MDGA2: variants seen among roughly 807,000 people sequenced by gnomAD.
MDGA2 encodes the protein MAM domain-containing glycosylphosphatidylinositol anchor protein 2.
Under a neutral mutation model 117.8 loss-of-function variants are expected in MDGA2, and 40 were observed. The ratio of observed to expected loss-of-function variants is 0.34; its 90% CI spans 0.26 to 0.44. MDGA2 has a LOEUF of 0.44. MDGA2 is among the 20% of genes least tolerant of loss of function. The pLI is 1.00. For missense variants in MDGA2, 1,123 were observed against 1,250.6 expected (o/e 0.90, Z 1.54); for synonymous variants, 452 against 439.0 (o/e 1.03, Z -0.37).
At chr14:46,933,949 A>G (rs563608254) in intron 9 of MDGA2, among the ~76,000 whole-genome samples, 8 of 150,720 alleles carry the variant, frequency 5.3e-5, no homozygotes, top group African/African-American at 1.7e-4. Context: ...TCCTGGATAC[A>G]CTTTGCAAAA....
At chr14:47,078,561 C>T (rs1367534273) in intron 6 of MDGA2, among the ~76,000 whole-genome samples, 6 of 152,096 alleles carry the variant, frequency 3.9e-5, no homozygotes, top group African/African-American at 1.4e-4. Context: ...CACAACTCAC[C>T]AACCTATGTA....
intron 5 of MDGA2, among the ~76,000 whole-genome samples, chr14:47,106,436 C>G (rs13379056): frequency 4.0e-5 from 6 of 151,444 alleles, no homozygotes; most frequent in African/African-American, 1.5e-4. Flanking sequence ...CCAGAACCTC[C>G]TCCCACAGGA....
intron 1 of MDGA2, among the ~76,000 whole-genome samples, chr14:47,624,558 A>C (rs1594949406): frequency 6.6e-6 from 1 of 152,224 alleles, no homozygotes; most frequent in East Asian, 1.9e-4. Flanking sequence ...TAAGGATATA[A>C]ATAGAGCCAA....
intron 1 of MDGA2, among the ~76,000 whole-genome samples, chr14:47,470,462 T>G (rs12433143): frequency 0.24 from 36,978 of 152,110 alleles, 5,153 homozygotes; most frequent in South Asian, 0.47. Context: ...TTTTTATGGC[T>G]GCATAGTATT....
chr14:46,983,903 A>C (rs1886773062), intron 8 of MDGA2, among the ~76,000 whole-genome samples: 1 of 151,980 alleles, frequency 6.6e-6, no homozygotes, highest in Non-Finnish European at 1.5e-5. Context: ...ATTTAAGTGC[A>C]TAGAATTAAT....
chr14:47,356,423 G>A (rs549141352), intron 1 of MDGA2, among the ~76,000 whole-genome samples: 7 of 152,202 alleles, frequency 4.6e-5, no homozygotes, highest in Admixed American at 4.6e-4. Context: ...AGTTCCCGTG[G>A]CCAGTGGTCT....
At chr14:47,313,388 T>C (rs1889704657) in intron 1 of MDGA2, among the ~76,000 whole-genome samples, 1 of 152,142 alleles carries the variant, frequency 6.6e-6, no homozygotes, top group East Asian at 1.9e-4. Context: ...TCCTCCCGCC[T>C]CAGCCTCCCA....
chr14:47,249,207 C>T (rs527459798), intron 2 of MDGA2, among the ~76,000 whole-genome samples: 9 of 151,434 alleles, frequency 5.9e-5, no homozygotes, highest in East Asian at 3.9e-4. Flanking sequence ...TTAGTAGAGA[C>T]GGGATTTCAC....
chr14:46,929,448 G>C (rs947997900), intron 9 of MDGA2, among the ~76,000 whole-genome samples: 1 of 150,496 alleles, frequency 6.6e-6, no homozygotes, highest in African/African-American at 2.4e-5. Context: ...TGGGTCTATG[G>C]AATTACTTGC....
chr14:47,528,993 CAAACTTT>C (rs143426880), intron 1 of MDGA2, among the ~76,000 whole-genome samples: 104,957 of 143,626 alleles, frequency 0.73, 38,245 homozygotes, highest in East Asian at 0.99. Flanking sequence ...GGAGATTTTA[CAAACTTT>C]AAACTTTTTT....
intron 3 of MDGA2, among the ~76,000 whole-genome samples, chr14:47,176,756 C>G (rs964503923): frequency 1.3e-5 from 2 of 152,168 alleles, no homozygotes; most frequent in Non-Finnish European, 2.9e-5. Flanking sequence ...GACTTCATGT[C>G]TAAAACACCA....
intron 3 of MDGA2, among the ~76,000 whole-genome samples, chr14:47,189,576 T>A (rs1885035945): frequency 6.6e-6 from 1 of 152,158 alleles, no homozygotes; most frequent in South Asian, 2.1e-4. Flanking sequence ...CTCCTCCCCA[T>A]CACCTTTTAA....
At chr14:47,003,090 AATCAGAC>A (rs1214603935) in intron 8 of MDGA2, among the ~76,000 whole-genome samples, 1 of 152,146 alleles carries the variant, frequency 6.6e-6, no homozygotes, top group East Asian at 1.9e-4. Flanking sequence ...ATGCAACTTG[AATCAGAC>A]CATATGTACT....
chr14:47,378,027 C>G (rs1380929411), intron 1 of MDGA2, among the ~76,000 whole-genome samples: 2 of 152,162 alleles, frequency 1.3e-5, no homozygotes, highest in South Asian at 4.1e-4. Context: ...GAGGAAGGAC[C>G]AGGCAGCAAC....
chr14:47,199,337 T>A (rs1261434688), intron 3 of MDGA2, among the ~76,000 whole-genome samples: 1 of 152,200 alleles, frequency 6.6e-6, no homozygotes, highest in African/African-American at 2.4e-5. Context: ...TTTGACTATT[T>A]ATCCTAGAAA....
At chr14:47,528,253 C>A (rs889922650) in intron 1 of MDGA2, among the ~76,000 whole-genome samples, 22 of 152,166 alleles carry the variant, frequency 1.4e-4, no homozygotes, top group Admixed American at 1.2e-3. Context: ...TCTGACCCAC[C>A]ATGCTCTCAT....
chr14:47,595,599 CTAT>C (rs1896528375), intron 1 of MDGA2, among the ~76,000 whole-genome samples: 1 of 147,008 alleles, frequency 6.8e-6, no homozygotes, highest in Non-Finnish European at 1.5e-5. Flanking sequence ...ACTCATCCTA[CTAT>C]GTTTTTAGCT....
intron 8 of MDGA2, among the ~76,000 whole-genome samples, chr14:46,998,332 G>A (rs1347266179): frequency 1.3e-5 from 2 of 151,860 alleles, no homozygotes; most frequent in African/African-American, 4.8e-5. Flanking sequence ...GAAGAGTGAG[G>A]AAACCAAGTC....
chr14:47,645,325 G>A (rs1897507022), intron 1 of MDGA2, among the ~76,000 whole-genome samples: 1 of 151,706 alleles, frequency 6.6e-6, no homozygotes, highest in Admixed American at 6.6e-5. Context: ...CTCCCTGCAA[G>A]CTCCGCCTCC....
Sources: gnomAD v4.1 joint callset for allele counts (sites outside exome capture counted in the v4.1 genomes callset) on GRCh38, gnomAD v4.1.1 for gene constraint, MANE v1.5 for transcripts, NCBI Gene and HGNC (gene_info 2026-07-23, HGNC 2026-07-21) for gene names.